The following KCNMB2 variants were observed in gnomAD, a reference collection of about 807,000 sequenced individuals.
KCNMB2 encodes the protein potassium calcium-activated channel subfamily M regulatory beta subunit 2, also known as calcium-activated potassium channel subunit beta-2.
Under a neutral mutation model 24.5 loss-of-function variants are expected in KCNMB2, and 9 were observed. The ratio of observed to expected loss-of-function variants is 0.37; its 90% CI spans 0.22 to 0.64. KCNMB2 has a LOEUF of 0.64. Ranked by LOEUF, KCNMB2 falls within the 30% of genes least tolerant of loss-of-function variation. The pLI is 0.63. For missense variants in KCNMB2, 226 were observed against 284.3 expected (o/e 0.79, Z 1.47); for synonymous variants, 109 against 104.4 (o/e 1.04, Z -0.27).
chr3:178,840,600 T>A (rs956432330), intron 4 of KCNMB2, among the ~76,000 whole-genome samples: 3 of 152,226 alleles, frequency 2.0e-5, no homozygotes, highest in African/African-American at 7.2e-5. Context: ...AAACCTTAAC[T>A]CTTTTGCACA....
chr3:178,643,368 A>C (rs1560145217), intron 1 of KCNMB2, among the ~76,000 whole-genome samples: 1 of 152,204 alleles, frequency 6.6e-6, no homozygotes, highest in Non-Finnish European at 1.5e-5. Flanking sequence ...GAGGCTAAAC[A>C]TGTGATAAAG....
intron 2 of KCNMB2, 23 bp from the exon 3 acceptor site, chr3:178,825,565 G>C: frequency 6.3e-7 from 1 of 1,598,268 alleles, no homozygotes; most frequent in Non-Finnish European, 8.6e-7. Flanking sequence ...CTTAATGTAA[G>C]ACCATATTGT....
At chr3:178,786,070 G>C (rs988700416) in intron 1 of KCNMB2, among the ~76,000 whole-genome samples, 26 of 152,056 alleles carry the variant, frequency 1.7e-4, no homozygotes, top group Non-Finnish European at 1.5e-5. Context: ...ATTGCACTAA[G>C]CAATAAAAGA....
intron 1 of KCNMB2, among the ~76,000 whole-genome samples, chr3:178,549,451 C>T (rs1211238903): frequency 6.8e-6 from 1 of 146,118 alleles, no homozygotes; most frequent in Non-Finnish European, 1.5e-5. Flanking sequence ...GCTGGGATTA[C>T]AGGCACACAC....
intron 4 of KCNMB2, among the ~76,000 whole-genome samples, chr3:178,832,345 C>CATTCAGGATCACCTCA (rs1278749569): frequency 1.2e-5 from 1 of 83,310 alleles, no homozygotes; most frequent in Non-Finnish European, 2.3e-5. Context: ...TAATCTTGGC[C>CATTCAGGATCACCTCA]TATTTTAAAG....
chr3:178,651,609 C>A (rs904414348), intron 1 of KCNMB2, among the ~76,000 whole-genome samples: 2 of 152,106 alleles, frequency 1.3e-5, no homozygotes, highest in Non-Finnish European at 2.9e-5. Flanking sequence ...GCCCATATAG[C>A]CAAGACAATC....
rs116491820 is a variant in KCNMB2, at chr3:178,624,721, T to C, written c.-68+88010T>C. Among the ~76,000 whole-genome samples, 517 of 151,842 alleles carry C rather than the reference T, an allele frequency of 3.4e-3. 2 individuals carry two copies. Among genetic ancestry groups the C allele is most frequent in the African/African-American group, 0.012 (490 of 41,370 alleles). On this transcript the variant is annotated intron_variant, in intron 1 of 4. Transcript: ENST00000452583. ...ACAGTAGTTAAATGTGCAAACTCAC[T>C]TGGGGGCTCAGGGAGGGGTGGGGGC...
chr3:178,651,871 C>T (rs184641289), intron 1 of KCNMB2, among the ~76,000 whole-genome samples: 1 of 152,250 alleles, frequency 6.6e-6, no homozygotes, highest in African/African-American at 2.4e-5. Context: ...TAGCCATATG[C>T]AGAAAGCTGA....
intron 1 of KCNMB2, among the ~76,000 whole-genome samples, chr3:178,607,230 A>G (rs550719326): frequency 6.6e-6 from 1 of 152,214 alleles, no homozygotes; most frequent in African/African-American, 2.4e-5. Flanking sequence ...CGGGGCAGGT[A>G]TACAGTGCAG....
Position 178,840,356 on chromosome 3 carries a change from A to G in KCNMB2, c.424-2297A>G, listed in dbSNP as rs113894244. On this transcript the variant is annotated intron_variant, in intron 4 of 4. Coordinates refer to ENST00000452583, the MANE Select transcript of KCNMB2 (RefSeq NM_181361.3). Reference sequence around the variant, plus strand: ...GTGCCTGCAGCTTTTCTAGGCACACAGTGCAAGCTGTCGGTGGATCTATCC... The same window carrying G: ...GTGCCTGCAGCTTTTCTAGGCACACGGTGCAAGCTGTCGGTGGATCTATCC... Among the ~76,000 whole-genome samples, 862 of 152,284 alleles carry G rather than the reference A, an allele frequency of 5.7e-3. 4 individuals are homozygous for G. Among genetic ancestry groups the G allele is most frequent in the Non-Finnish European group, 9.1e-3 (620 of 68,012 alleles).
intron 1 of KCNMB2, among the ~76,000 whole-genome samples, chr3:178,689,083 AAGTT>A (rs1359127067): frequency 2.0e-5 from 3 of 152,316 alleles, no homozygotes; most frequent in African/African-American, 7.2e-5. Context: ...ATTTTAAACA[AAGTT>A]AGCATTCAGA....
intron 1 of KCNMB2, among the ~76,000 whole-genome samples, chr3:178,579,288 T>A (rs1436936536): frequency 6.6e-6 from 1 of 151,970 alleles, no homozygotes; most frequent in Non-Finnish European, 1.5e-5. Context: ...AAAATGAAAT[T>A]ATGGCAAAAA....
intron 1 of KCNMB2, among the ~76,000 whole-genome samples, chr3:178,559,513 T>C (rs1465366017): frequency 1.3e-5 from 2 of 151,754 alleles, no homozygotes; most frequent in Admixed American, 1.3e-4. Flanking sequence ...GATGACTCTA[T>C]AAAAAAAGTA....
intron 1 of KCNMB2, among the ~76,000 whole-genome samples, chr3:178,743,738 T>C (rs1723570781): frequency 1.3e-5 from 2 of 152,150 alleles, no homozygotes; most frequent in African/African-American, 4.8e-5. Context: ...GCCTGAAAGG[T>C]TGACTTTTCA....
At chr3:178,818,557 G>A (rs957103983) in intron 2 of KCNMB2, among the ~76,000 whole-genome samples, 2 of 152,092 alleles carry the variant, frequency 1.3e-5, no homozygotes, top group Admixed American at 6.5e-5. Flanking sequence ...AGTTTGCTGA[G>A]GATAATGGCT....
intron 2 of KCNMB2, among the ~76,000 whole-genome samples, chr3:178,817,200 T>A (rs1349567868): frequency 3.4e-5 from 5 of 149,090 alleles, no homozygotes; most frequent in Non-Finnish European, 7.4e-5. Context: ...ATGGACAAAA[T>A]CCTTCATGTT....
intron 1 of KCNMB2, among the ~76,000 whole-genome samples, chr3:178,708,552 T>C (rs1467075206): frequency 2.6e-5 from 4 of 152,130 alleles, no homozygotes; most frequent in East Asian, 1.9e-4. Context: ...CATGAAGTTA[T>C]AGAAACCTCC....
intron 1 of KCNMB2, among the ~76,000 whole-genome samples, chr3:178,652,542 T>C (rs1720163915): frequency 1.3e-5 from 2 of 152,300 alleles, no homozygotes; most frequent in South Asian, 4.1e-4. Context: ...CTGTAATATG[T>C]TTTAATGTTT....
At chr3:178,642,602 A>G (rs1719766027) in intron 1 of KCNMB2, among the ~76,000 whole-genome samples, 1 of 152,242 alleles carries the variant, frequency 6.6e-6, no homozygotes, top group African/African-American at 2.4e-5. Flanking sequence ...AGATCCTCTC[A>G]TCAGGTTTTT....
Sources: gnomAD v4.1 joint callset for allele counts (sites outside exome capture counted in the v4.1 genomes callset) on GRCh38, gnomAD v4.1.1 for gene constraint, MANE v1.5 for transcripts, NCBI Gene and HGNC (gene_info 2026-07-23, HGNC 2026-07-21) for gene names.